NUBP1: variants seen among roughly 807,000 people sequenced by gnomAD.
NUBP1 encodes cytosolic Fe-S cluster assembly factor NUBP1.
A neutral mutation model predicts 41.8 loss-of-function variants in NUBP1; 46 were observed. The observed-to-expected ratio is 1.10, with a 90% confidence interval of 0.87 to 1.41. The LOEUF (loss-of-function observed/expected upper bound fraction) is 1.41. Among genes scored for constraint, NUBP1 ranks in the 40% most tolerant of loss-of-function variants. The pLI, the probability that NUBP1 is intolerant of heterozygous loss-of-function variation, is 0.00. For missense variants in NUBP1, 494 were observed against 414.0 expected (o/e 1.19, Z -1.68); for synonymous variants, 189 against 154.6 (o/e 1.22, Z -1.65).
rs973642478 is a variant in NUBP1 at position 10,766,541 on chromosome 16, C to T, written c.821-1408C>T. 1 of 159,954 alleles carries T rather than the reference C, an allele frequency of 6.3e-6. No individual in the cohort carries two copies. The highest frequency in any genetic ancestry group is 2.4e-5 in the African/African-American group (1 of 41,796). 9.9% of individuals were successfully genotyped at this position (159,954 alleles called of 1,614,324 possible). ...GACTATTCTGGGATCCCCAACCTCC[C>T]AGGTCTGGCCCAGCGAACGTGCACT... On this transcript the variant is annotated intron_variant, in intron 9 of 10. Transcript: ENST00000283027. The surrounding 1 kb of genome is among the most constrained non-coding windows in gnomAD (Gnocchi z 4.8).
rs986675366 is a variant in NUBP1, at chr16:10,768,235, G to A, written c.904+203G>A. 4.5e-5 allele frequency: 20 copies of A among 440,660 alleles called. No homozygotes were observed. Among genetic ancestry groups the A allele is most frequent in the Non-Finnish European group, 4.4e-5 (11 of 247,840 alleles). The allele number at this position is 440,660 out of a possible 1,614,324, so 27.3% of individuals were successfully genotyped here. Reference sequence around the variant, plus strand: ...TAATTCATAGTTTAAAAAACATGGTGAGGGTGAAATTTATGGCTTAGGAAA... The same window carrying A: ...TAATTCATAGTTTAAAAAACATGGTAAGGGTGAAATTTATGGCTTAGGAAA... On this transcript the variant is annotated intron_variant, in intron 10 of 10. Transcript: ENST00000283027. This position sits in a 1 kb window ranked among gnomAD's most constrained non-coding sequence, Gnocchi z 4.3.
At position 10,752,678 on chromosome 16, in the gene NUBP1, G is replaced by C; in HGVS notation, c.327G>C (p.Gln109His). 1 of 1,613,094 alleles carries C rather than the reference G, an allele frequency of 6.2e-7. No individual in the cohort carries two copies. The highest frequency in any genetic ancestry group is 8.5e-7 in the Non-Finnish European group (1 of 1,179,142). Residue 109 changes from glutamine (Q) to histidine (H), a missense_variant and splice_region_variant, in exon 4 of 11, where the codon CAG (glutamine) becomes CAC (histidine). By Grantham distance (24) the Gln-to-His change is conservative (BLOSUM62 0). Transcript: ENST00000283027. ...AGATAATGGGATTGGAAGGAGAGCA[G>C]GTAATAGCCGGTTACAGAACTCAGG... ...IPKIMGLEGE[Q>H]VHQSGSGWSP...
intron 2 of NUBP1, among the ~76,000 whole-genome samples, chr16:10,745,710 G>C (rs530099468): frequency 1.3e-4 from 20 of 151,804 alleles, no homozygotes; most frequent in Admixed American, 1.2e-3. Flanking sequence ...ATTCTTGTGA[G>C]GTTTTAATTC....
In NUBP1 at chr16:10,759,163, G is replaced by A. The variant is rs1050425799; in HGVS notation, c.606+1136G>A. Among the ~76,000 whole-genome samples, 3 of 152,200 alleles carry A rather than the reference G, an allele frequency of 2.0e-5. No homozygotes were observed. Among genetic ancestry groups the A allele is most frequent in the Non-Finnish European group, 4.4e-5 (3 of 68,032 alleles). On this transcript the variant is annotated intron_variant, in intron 7 of 10. Coordinates refer to ENST00000283027, the MANE Select transcript of NUBP1 (RefSeq NM_002484.4). This position sits in a 1 kb window ranked among gnomAD's most constrained non-coding sequence, Gnocchi z 4.7. ...CACTGAGCTCTGACTCTGACATGCCGGGCACCAGGGCAGTAAAAAGGCCTG... is the reference window on the plus strand; with the variant it reads ...CACTGAGCTCTGACTCTGACATGCCAGGCACCAGGGCAGTAAAAAGGCCTG...
chr16:10,755,839 A>G, intron 5 of NUBP1, 86 bp downstream of exon 5: 1 of 1,269,830 alleles, frequency 7.9e-7, no homozygotes. Context: ...GTCCATAGGT[A>G]TTTATTAGGG....
In NUBP1 at chr16:10,761,468, G is replaced by A. The variant is rs200400312; in HGVS notation, c.711G>A (p.Lys237=). The part of the protein sequence containing the change: ...VENMSGFICP[K]CKKESQIFPP... ...ACATGAGTGGCTTCATCTGTCCTAA[G>A]TGCAAGGTGAGGGCGCGTGGGGCTG... The change falls in exon 8 of 11, where the codon AAG becomes AAA. Residue 237 remains lysine, a synonymous_variant. Coordinates refer to ENST00000283027, the MANE Select transcript of NUBP1 (RefSeq NM_002484.4). The A allele has an allele frequency of 5.6e-6, 9 of 1,613,878 alleles. No individual in the cohort carries two copies. In the Admixed American group the frequency reaches 1.5e-4, roughly 27 times the overall value.
rs1248334717 is a variant in NUBP1 at position 10,766,360 on chromosome 16, C to G, written c.821-1589C>G. ...CAGGGCTGTGCTCACACCAGCTGTT[C>G]TGATAATGCTGCCCGTTCTTGGAGA... On this transcript the variant is annotated intron_variant, in intron 9 of 10. Transcript: ENST00000283027. The surrounding 1 kb of genome is among the most constrained non-coding windows in gnomAD (Gnocchi z 4.8). 6.6e-6 allele frequency among the ~76,000 whole-genome samples: 1 copy of G among 152,138 alleles called. No individual in the cohort carries two copies. The highest frequency in any genetic ancestry group is 2.4e-5 in the African/African-American group (1 of 41,400).
At position 10,758,025 on chromosome 16, in the gene NUBP1, C is replaced by A; in HGVS notation, c.604C>A (p.Gln202Lys). 1 of 1,612,342 alleles carries A rather than the reference C, an allele frequency of 6.2e-7. No homozygotes were observed. The highest frequency in any genetic ancestry group is 1.7e-4 in the Middle Eastern group (1 of 6,042). The change falls in exon 7 of 11, where the codon CAG (glutamine) becomes AAG (lysine). Residue 202 changes from glutamine (Q) to lysine (K), a missense_variant and splice_region_variant. By Grantham distance (53) the Gln-to-Lys change is moderately conservative (BLOSUM62 1). Transcript: ENST00000283027. ...IDGAVIITTP[Q>K]EVSLQDVRKE... ...TGGAGCAGTGATCATCACCACTCCCCAGGTGAGCGAGCTGCCAGCTGGAGC... is the reference window on the plus strand; with the variant it reads ...TGGAGCAGTGATCATCACCACTCCCAAGGTGAGCGAGCTGCCAGCTGGAGC...
Position 10,757,982 on chromosome 16 carries a change from GGC to G in NUBP1, c.562_563del (p.Ala188HisfsTer49). The G allele has an allele frequency of 6.2e-7, 1 of 1,614,078 alleles. No individual in the cohort carries two copies. Among genetic ancestry groups the G allele is most frequent in the Non-Finnish European group, 8.5e-7 (1 of 1,180,034 alleles). On this transcript the variant is annotated frameshift_variant, in exon 7 of 11. Transcript: ENST00000283027. LOFTEE classifies it high-confidence loss of function. This position sits in a 1 kb window ranked among gnomAD's most constrained non-coding sequence, Gnocchi z 4.1. ...AACACCTCTCGGTCGTCCGGTACCT[GGC>G]CACAGCACACATCGATGGAGCAGTG... is the stretch of plus-strand genomic sequence containing the variant. ...DEHLSVVRYL[A>X]TAHIDGAVII... is the part of the protein sequence containing the mutation.
chr16:10,769,069 C>CCAT lies in NUBP1; in HGVS notation c.930_932dup (p.His310dup), dbSNP rs777935565. The stretch of plus-strand genomic sequence containing the variant: ...CAGGAATCCAAGAGTTTTGTAATCT[C>CCAT]CATCAGTCAAAAGAAGAGAACCTCA... On this transcript the variant is annotated inframe_insertion, in exon 11 of 11. Transcript: ENST00000283027. The CCAT allele has an allele frequency of 1.8e-5, 29 of 1,614,072 alleles. No homozygotes were observed. In the East Asian group the frequency reaches 5.3e-4, roughly 30 times the overall value.
In NUBP1 at chr16:10,759,876, C is replaced by T. The variant is rs1900825539; in HGVS notation, c.607-1488C>T. Reference sequence around the variant, plus strand: ...CCCAGCCTCAGTGTCAAGAGCCAAACAGGCATCTCAGGAAAAGAACAGGCC... The same window carrying T: ...CCCAGCCTCAGTGTCAAGAGCCAAATAGGCATCTCAGGAAAAGAACAGGCC... On this transcript the variant is annotated intron_variant, in intron 7 of 10. Coordinates refer to ENST00000283027, the MANE Select transcript of NUBP1 (RefSeq NM_002484.4). The surrounding 1 kb of genome is among the most constrained non-coding windows in gnomAD (Gnocchi z 4.7). 6.6e-6 allele frequency among the ~76,000 whole-genome samples: 1 copy of T among 152,252 alleles called. No individual in the cohort carries two copies. Among genetic ancestry groups the T allele is most frequent in the African/African-American group, 2.4e-5 (1 of 41,474 alleles).
chr16:10,756,874 G>C, intron 6 of NUBP1, 94 bp downstream of exon 6: 1 of 942,110 alleles, frequency 1.1e-6, no homozygotes, highest in Admixed American at 3.1e-5. Context: ...GTCTCAGCCT[G>C]CTGGACTTCA....
rs774737239 is a variant in NUBP1, at chr16:10,755,765, C to T, written c.360+12C>T. 2 of 1,613,626 alleles carry T rather than the reference C, an allele frequency of 1.2e-6. No individual in the cohort carries two copies. Among genetic ancestry groups the T allele is most frequent in the Admixed American group, 1.7e-5 (1 of 59,988 alleles). ...GCTGGTCTCCAGTGGTGAGTTTTCACCTCTTTGCCCTATTTTCACAGTAGT... is the reference window on the plus strand; with the variant it reads ...GCTGGTCTCCAGTGGTGAGTTTTCATCTCTTTGCCCTATTTTCACAGTAGT... On this transcript the variant is annotated intron_variant, in intron 5 of 10. Transcript: ENST00000283027.
In NUBP1 at chr16:10,756,739, G is replaced by A. The variant is rs767366502; in HGVS notation, c.410G>A (p.Ser137Asn). Residue 137 changes from serine to asparagine, a missense_variant, in exon 6 of 11, where the codon AGT (serine) becomes AAT (asparagine). Coordinates refer to ENST00000283027, the MANE Select transcript of NUBP1 (RefSeq NM_002484.4). ...ATGTCAGTGGGCTTCCTGCTCAGCA[G>A]TCCTGATGATGCTGTTATCTGGAGG... ...GVMSVGFLLS[S>N]PDDAVIWRGP... is the part of the protein sequence containing the mutation. The A allele has an allele frequency of 1.3e-6, 2 of 1,587,120 alleles. No homozygotes were observed. The highest frequency in any genetic ancestry group is 1.8e-5 in the Admixed American group (1 of 54,454).
intron 9 of NUBP1, among the ~76,000 whole-genome samples, chr16:10,762,475 A>T (rs2030082303): frequency 6.6e-6 from 1 of 151,990 alleles, no homozygotes. Flanking sequence ...CCGGGCGCCC[A>T]CTCGCCGCGG....
intron 2 of NUBP1, among the ~76,000 whole-genome samples, chr16:10,744,845 C>T (rs930914300): frequency 2.0e-5 from 3 of 151,204 alleles, no homozygotes; most frequent in African/African-American, 7.3e-5. Context: ...GCAACTTTCA[C>T]CTCTCAGGTT....
intron 3 of NUBP1, among the ~76,000 whole-genome samples, chr16:10,750,256 T>C (rs1283527105): frequency 6.6e-6 from 1 of 152,134 alleles, no homozygotes. Context: ...TTTTTGTTTG[T>C]TTTTTTGAGA....
chr16:10,759,989 GGACTTGGGTACAGGGATCTGT>G lies in NUBP1; in HGVS notation c.607-1372_607-1352del, dbSNP rs1442628894. Among the ~76,000 whole-genome samples, 4 of 152,206 alleles carry G rather than the reference GGACTTGGGTACAGGGATCTGT, an allele frequency of 2.6e-5. No individual in the cohort carries two copies. The highest frequency in any genetic ancestry group is 9.6e-5 in the African/African-American group (4 of 41,466). ...CACCTGACAGTGACAAGCCACAGCA[GGACTTGGGTACAGGGATCTGT>G]GATAACATTAACTGAGGAAAATAGG... On this transcript the variant is annotated intron_variant, in intron 7 of 10. Coordinates refer to ENST00000283027, the MANE Select transcript of NUBP1 (RefSeq NM_002484.4). The surrounding 1 kb of genome is among the most constrained non-coding windows in gnomAD (Gnocchi z 4.7).
At chr16:10,745,327 C>T (rs149613455) in intron 2 of NUBP1, among the ~76,000 whole-genome samples, 1 of 152,144 alleles carries the variant, frequency 6.6e-6, no homozygotes, top group East Asian at 1.9e-4. Flanking sequence ...AATTAGCCAG[C>T]ATGGTGGTGC....
Sources: gnomAD v4.1 joint callset for allele counts (sites outside exome capture counted in the v4.1 genomes callset) on GRCh38, gnomAD v4.1.1 for gene constraint, Gnocchi (gnomAD v3.1) non-coding constraint, MANE v1.5 for transcripts, NCBI Gene and HGNC (gene_info 2026-07-23, HGNC 2026-07-21) for gene names.